Variants in GYPC observed in about 807,000 individuals in gnomAD.
GYPC encodes glycophorin C (Gerbich blood group), also known as glycophorin-C.
In GYPC, 14 loss-of-function variants were observed where a neutral mutation model predicts 12.6. That is an observed-to-expected ratio of 1.11 (90% CI 0.74 to 1.74). The LOEUF (loss-of-function observed/expected upper bound fraction) is 1.74. Among genes scored for constraint, GYPC ranks in the 40% most tolerant of loss-of-function variants. The pLI, the probability that GYPC is intolerant of heterozygous loss-of-function variation, is 0.00. For synonymous variants in GYPC, 78 were observed against 62.1 expected (o/e 1.26, Z -1.20); for missense variants, 225 against 172.1 (o/e 1.31, Z -1.72).
chr2:126,691,956 T>G (rs6713909), intron 2 of GYPC, among the ~76,000 whole-genome samples: 89,919 of 151,948 alleles, frequency 0.59, 27,103 homozygotes, highest in African/African-American at 0.7. Context: ...GAGGTGCTTG[T>G]TGATTGGAAA....
intron 1 of GYPC, among the ~76,000 whole-genome samples, chr2:126,662,883 C>A (rs1243738402): frequency 6.6e-6 from 1 of 152,148 alleles, no homozygotes; most frequent in Non-Finnish European, 1.5e-5. Context: ...CTCCCCACTG[C>A]CCTGCTCCCT....
intron 2 of GYPC, among the ~76,000 whole-genome samples, chr2:126,693,070 G>C (rs1300847226): frequency 6.6e-6 from 1 of 152,174 alleles, no homozygotes; most frequent in Non-Finnish European, 1.5e-5. Flanking sequence ...CCCTGCAAAA[G>C]CTCATGTTGA....
chr2:126,684,435 C>T (rs1683230697), intron 1 of GYPC, among the ~76,000 whole-genome samples: 1 of 152,080 alleles, frequency 6.6e-6, no homozygotes, highest in African/African-American at 2.4e-5. Flanking sequence ...GGCTTACTGA[C>T]CACTCTATCA....
At chr2:126,671,252 TA>T (rs1682845806) in intron 1 of GYPC, among the ~76,000 whole-genome samples, 1 of 152,148 alleles carries the variant, frequency 6.6e-6, no homozygotes, top group South Asian at 2.1e-4. Context: ...CCTCTGGAAA[TA>T]CAGGCACTCG....
chr2:126,686,507 G>A, intron 1 of GYPC: 1 of 985,482 alleles, frequency 1.0e-6, no homozygotes, highest in Non-Finnish European at 1.2e-6. Flanking sequence ...CATAGTGAAG[G>A]CTGCAGTTTA....
At chr2:126,677,443 G>A in intron 1 of GYPC, among the ~76,000 whole-genome samples, 1 of 79,110 alleles carries the variant, frequency 1.3e-5, no homozygotes, top group Non-Finnish European at 3.2e-5. Context: ...GAGTAGGAGT[G>A]TGTGTGTATA....
chr2:126,681,237 A>G (rs1254589073), intron 1 of GYPC, among the ~76,000 whole-genome samples: 1 of 152,090 alleles, frequency 6.6e-6, no homozygotes, highest in Non-Finnish European at 1.5e-5. Context: ...CATCATTTCT[A>G]TTTAGAGGGT....
intron 1 of GYPC, chr2:126,685,891 T>C (rs1480881043): frequency 7.1e-6 from 7 of 985,286 alleles, no homozygotes; most frequent in African/African-American, 1.7e-5. Context: ...GCTGAAATCA[T>C]CTTCCTCCTC....
intron 1 of GYPC, among the ~76,000 whole-genome samples, chr2:126,661,283 G>A (rs1314304396): frequency 6.6e-6 from 1 of 152,114 alleles, no homozygotes; most frequent in Non-Finnish European, 1.5e-5. Context: ...CCCAGCTGTA[G>A]ATGGGGGCAG....
At position 126,656,233 on chromosome 2, in the gene GYPC, C is replaced by T. The variant is rs561721832; in HGVS notation, c.-31C>T. 2.5e-6 allele frequency: 4 copies of T among 1,591,190 alleles called. No individual in the cohort carries two copies. In the African/African-American group the frequency reaches 4.0e-5, roughly 16 times the overall value. The stretch of plus-strand genomic sequence containing the variant: ...CGGCCTGGCCCGGCCTGGCCAGTCC[C>T]CGCGGTCTCTGCCCGGGCTGACGCC... On this transcript the variant is annotated 5_prime_UTR_variant, in exon 1 of 4. Transcript: ENST00000259254.
chr2:126,670,263 T>A (rs1682810021), intron 1 of GYPC, among the ~76,000 whole-genome samples: 1 of 152,230 alleles, frequency 6.6e-6, no homozygotes, highest in African/African-American at 2.4e-5. Flanking sequence ...AGGACTCACT[T>A]GCTGGGGCCC....
At chr2:126,690,588 G>A (rs1218919430) in intron 2 of GYPC, among the ~76,000 whole-genome samples, 3 of 152,150 alleles carry the variant, frequency 2.0e-5, no homozygotes, top group Admixed American at 6.5e-5. Flanking sequence ...CTTTCTCAGG[G>A]CTGTTGACTC....
chr2:126,688,043 C>T (rs1033284958), intron 1 of GYPC, among the ~76,000 whole-genome samples: 1 of 152,216 alleles, frequency 6.6e-6, no homozygotes, highest in African/African-American at 2.4e-5. Flanking sequence ...TGGGACGCAG[C>T]TGCCAAATCT....
chr2:126,688,512 T>A (rs1183389645), intron 1 of GYPC, among the ~76,000 whole-genome samples: 2 of 152,226 alleles, frequency 1.3e-5, no homozygotes, highest in Non-Finnish European at 2.9e-5. Flanking sequence ...CCACTTGAAC[T>A]TGCTATGGCT....
chr2:126,659,526 G>A (rs1397423690), intron 1 of GYPC, among the ~76,000 whole-genome samples: 1 of 152,180 alleles, frequency 6.6e-6, no homozygotes, highest in African/African-American at 2.4e-5. Context: ...GTCACCCGAA[G>A]AGCAACAGCA....
At chr2:126,693,428 T>C (rs35291291) in intron 2 of GYPC, among the ~76,000 whole-genome samples, 67 of 152,224 alleles carry the variant, frequency 4.4e-4, no homozygotes, top group East Asian at 3.7e-3. Context: ...CTCTTCTTTA[T>C]AAATTACCCA....
At chr2:126,681,092 G>A (rs1683138579) in intron 1 of GYPC, among the ~76,000 whole-genome samples, 1 of 152,140 alleles carries the variant, frequency 6.6e-6, no homozygotes, top group Non-Finnish European at 1.5e-5. Context: ...TAGATGACTT[G>A]GAAAATACAG....
intron 1 of GYPC, among the ~76,000 whole-genome samples, chr2:126,687,880 T>C (rs1683336640): frequency 6.6e-6 from 1 of 150,636 alleles, no homozygotes; most frequent in Non-Finnish European, 1.5e-5. Context: ...CCCCAAGTTG[T>C]TCAAGCCAAA....
intron 1 of GYPC, among the ~76,000 whole-genome samples, chr2:126,669,030 C>T (rs1443064242): frequency 2.0e-5 from 3 of 152,168 alleles, no homozygotes; most frequent in Non-Finnish European, 2.9e-5. Flanking sequence ...GTATAATTCC[C>T]CCAACGTAAA....
Sources: gnomAD v4.1 joint callset for allele counts (sites outside exome capture counted in the v4.1 genomes callset) on GRCh38, gnomAD v4.1.1 for gene constraint, MANE v1.5 for transcripts, NCBI Gene and HGNC (gene_info 2026-07-23, HGNC 2026-07-21) for gene names.